The following ANO5 variants were observed in gnomAD, a reference collection of about 807,000 sequenced individuals.
ANO5 encodes anoctamin 5.
ANO5 carries 109 observed loss-of-function variants against 121.0 expected under a neutral mutation model. The ratio of observed to expected loss-of-function variants is 0.90; its 90% CI spans 0.77 to 1.06. The LOEUF is 1.06. ANO5 is among the 50% of genes least tolerant of loss of function. The probability of loss-of-function intolerance (pLI) is 0.00; values close to 1 mark genes in which losing one functional copy is unlikely to be tolerated. For synonymous variants in ANO5, 406 were observed against 359.9 expected (o/e 1.13, Z -1.45); for missense variants, 1,064 against 1,078.5 (o/e 0.99, Z 0.19).
At position 22,262,987 on chromosome 11, in the gene ANO5, G is replaced by T; in HGVS notation, c.1842G>T (p.Leu614Phe). 1 of 1,613,580 alleles carries T rather than the reference G, an allele frequency of 6.2e-7. No individual in the cohort carries two copies. The highest frequency in any genetic ancestry group is 1.1e-5 in the South Asian group (1 of 91,056). The change falls in exon 17 of 22, where the codon TTG (leucine) becomes TTT (phenylalanine). Residue 614 changes from leucine to phenylalanine, a missense_variant. Coordinates refer to ENST00000324559, the MANE Select transcript of ANO5 (RefSeq NM_213599.3). The stretch of plus-strand genomic sequence containing the variant: ...GTCTTATAGAATTGACAACCCAATT[G>T]ACCATTATAATGACCGGGAAACAGA... ...GGCLIELTTQ[L>F]TIIMTGKQIF...
At chr11:22,243,020 TGATGTTGGTTGTGGGTTTATCATA>T (rs1377368759) in intron 9 of ANO5, among the ~76,000 whole-genome samples, 12 of 152,118 alleles carry the variant, frequency 7.9e-5, no homozygotes, top group Admixed American at 7.2e-4. Flanking sequence ...CCATTCAGTA[TGATGTTGGTTGTGGGTTTATCATA>T]GATGGCTCTT....
chr11:22,236,097 T>C (rs926146770), intron 7 of ANO5, 66 bp from the exon 8 acceptor site: 1 of 1,044,814 alleles, frequency 9.6e-7, no homozygotes, highest in Non-Finnish European at 1.5e-6. Context: ...TAAATTGTGA[T>C]TGAAAGAAAT....
In ANO5 at chr11:22,197,462, A is replaced by G. The variant is rs79319837; in HGVS notation, c.40+3930A>G. ...TTATGCTTTAGCTGATTTATGATAC[A>G]GTTGGTATTGGAAAAGACAGTTTGA... On this transcript the variant is annotated intron_variant, in intron 1 of 21. Coordinates refer to ENST00000324559, the MANE Select transcript of ANO5 (RefSeq NM_213599.3). Among the ~76,000 whole-genome samples, 228 of 152,062 alleles carry G rather than the reference A, an allele frequency of 1.5e-3. 6 individuals carry two copies. The East Asian group carries it at 0.036, about 24-fold the overall frequency.
intron 12 of ANO5, among the ~76,000 whole-genome samples, chr11:22,252,757 A>T (rs1159124601): frequency 6.6e-6 from 1 of 152,158 alleles, no homozygotes; most frequent in African/African-American, 2.4e-5. Context: ...ACTGAGAGAT[A>T]ATGTAAGATG....
At chr11:22,268,833 T>A (rs115918142) in intron 17 of ANO5, among the ~76,000 whole-genome samples, 2,505 of 152,026 alleles carry the variant, frequency 0.016, 69 homozygotes, top group African/African-American at 0.057. Context: ...CTGGGCAACA[T>A]AATGGGACCC....
rs979532756 is a variant in ANO5 at position 22,280,366 on chromosome 11, A to G, written c.*601A>G. ...AGAATCCCAGATAGTTCTTCCTGGT[A>G]AAGGCAGAATTCCTTTTCTCGAGAC... On this transcript the variant is annotated 3_prime_UTR_variant, in exon 22 of 22. Transcript: ENST00000324559. The G allele has an allele frequency of 3.9e-5, 6 of 151,990 alleles. No homozygotes were observed. The highest frequency in any genetic ancestry group is 1.4e-4 in the African/African-American group (6 of 41,392). The allele number at this position is 151,990 out of a possible 1,614,324, so 9.4% of individuals were successfully genotyped here.
chr11:22,250,917 T>C, intron 11 of ANO5, 34 bp from the exon 12 acceptor site: 1 of 1,608,152 alleles, frequency 6.2e-7, no homozygotes, highest in East Asian at 2.2e-5. Context: ...AGTACTAAAT[T>C]ATCTTTGTGA....
chr11:22,262,759 T>C (rs1387871749), intron 16 of ANO5, among the ~76,000 whole-genome samples, 187 bp from the exon 17 acceptor site: 1 of 152,234 alleles, frequency 6.6e-6, no homozygotes, highest in Admixed American at 6.5e-5. Context: ...AGTTCACAGA[T>C]GAATCTAATG....
intron 9 of ANO5, among the ~76,000 whole-genome samples, chr11:22,241,741 G>A (rs1409200528): frequency 6.6e-6 from 1 of 151,866 alleles, no homozygotes; most frequent in Admixed American, 6.6e-5. Context: ...GGGGTTATTT[G>A]GATACTGCTT....
At chr11:22,246,217 A>G (rs1170455016) in intron 9 of ANO5, among the ~76,000 whole-genome samples, 1 of 152,104 alleles carries the variant, frequency 6.6e-6, no homozygotes, top group African/African-American at 2.4e-5. Flanking sequence ...ATCCTTTCTT[A>G]TAGATTATAA....
chr11:22,262,296 G>A lies in ANO5; in HGVS notation c.1798G>A (p.Glu600Lys). The change falls in exon 16 of 22, where the codon GAG becomes AAG. Residue 600 changes from glutamate (E) to lysine (K), a missense_variant and splice_region_variant. Physicochemically the swap from Glu to Lys is moderately conservative, Grantham distance 56. Transcript: ENST00000324559. Reference protein sequence around the residue: ...TYLFNEWRSEECDPGGCLIEL... With the variant: ...TYLFNEWRSEKCDPGGCLIEL... ...TTTATTTAATGAGTGGAGAAGTGAAGAGGTAAGAATTTCCTTGAGAGTTGA... is the reference window on the plus strand; with the variant it reads ...TTTATTTAATGAGTGGAGAAGTGAAAAGGTAAGAATTTCCTTGAGAGTTGA... 2 of 1,613,490 alleles carry A rather than the reference G, an allele frequency of 1.2e-6. No homozygotes were observed. The highest frequency in any genetic ancestry group is 1.7e-6 in the Non-Finnish European group (2 of 1,179,756).
At chr11:22,207,429 A>G (rs1385995090) in intron 2 of ANO5, among the ~76,000 whole-genome samples, 1 of 152,186 alleles carries the variant, frequency 6.6e-6, no homozygotes, top group East Asian at 1.9e-4. Flanking sequence ...AATGTGCAAA[A>G]GCAGTTCAAT....
At chr11:22,199,444 T>C (rs1012187601) in intron 1 of ANO5, among the ~76,000 whole-genome samples, 10 of 152,114 alleles carry the variant, frequency 6.6e-5, no homozygotes, top group Non-Finnish European at 1.3e-4. Flanking sequence ...TAATTGAGGT[T>C]CTATTAGCAA....
intron 1 of ANO5, among the ~76,000 whole-genome samples, chr11:22,193,739 G>C (rs922935519): frequency 6.6e-6 from 1 of 152,174 alleles, no homozygotes; most frequent in Non-Finnish European, 1.5e-5. Context: ...GCGCCCCACA[G>C]ATTTCTCTGC....
chr11:22,226,999 A>G (rs1293144358), intron 6 of ANO5, among the ~76,000 whole-genome samples: 1 of 152,122 alleles, frequency 6.6e-6, no homozygotes, highest in African/African-American at 2.4e-5. Flanking sequence ...GTGGATTTAG[A>G]GATGAGTATA....
At chr11:22,231,384 T>C (rs558072577) in intron 7 of ANO5, among the ~76,000 whole-genome samples, 2 of 152,024 alleles carry the variant, frequency 1.3e-5, no homozygotes, top group Non-Finnish European at 2.9e-5. Flanking sequence ...TTCATCCTCA[T>C]TGTGAAAGTA....
intron 17 of ANO5, among the ~76,000 whole-genome samples, chr11:22,267,619 CTCTT>C (rs1854419543): frequency 1.3e-5 from 1 of 74,714 alleles, no homozygotes; most frequent in South Asian, 4.6e-4. Context: ...AACAATCTCT[CTCTT>C]TTTTTTTAAC....
chr11:22,194,752 T>C (rs560371786), intron 1 of ANO5, among the ~76,000 whole-genome samples: 48 of 152,348 alleles, frequency 3.2e-4, no homozygotes, highest in African/African-American at 1.1e-3. Flanking sequence ...TAATCCATAC[T>C]GCAGCTTTTA....
chr11:22,219,827 G>T (rs1443915540), intron 4 of ANO5, among the ~76,000 whole-genome samples: 1 of 151,256 alleles, frequency 6.6e-6, no homozygotes, highest in Non-Finnish European at 1.5e-5. Flanking sequence ...TGGCTGAGGT[G>T]AAGAGAACTC....
Sources: gnomAD v4.1 joint callset for allele counts (sites outside exome capture counted in the v4.1 genomes callset) on GRCh38, gnomAD v4.1.1 for gene constraint, MANE v1.5 for transcripts, NCBI Gene and HGNC (gene_info 2026-07-23, HGNC 2026-07-21) for gene names.